SPON1: variants seen among roughly 807,000 people sequenced by gnomAD.
The protein encoded by SPON1 is spondin 1, also known as spondin-1.
SPON1 carries 52 observed loss-of-function variants against 111.7 expected under a neutral mutation model. The observed-to-expected ratio is 0.47, with a 90% CI of 0.37 to 0.59. SPON1 has a LOEUF of 0.59. Among genes scored for constraint, SPON1 ranks in the 20% least tolerant of loss-of-function variants. SPON1 has a pLI of 0.00. For synonymous variants in SPON1, 410 were observed against 395.8 expected (o/e 1.04, Z -0.43); for missense variants, 957 against 1,068.5 (o/e 0.90, Z 1.46).
chr11:14,057,831 C>CA (rs782306609), intron 3 of SPON1, among the ~76,000 whole-genome samples: 10,899 of 100,508 alleles, frequency 0.11, 841 homozygotes, highest in South Asian at 0.16. Context: ...CTTGTCTCTA[C>CA]AAAAAAAAAA....
intron 5 of SPON1, among the ~76,000 whole-genome samples, chr11:14,100,542 A>C (rs143794585): frequency 6.6e-6 from 1 of 152,346 alleles, no homozygotes; most frequent in Non-Finnish European, 1.5e-5. Flanking sequence ...ATTCATAAAC[A>C]AAACAAGTAC....
chr11:14,053,138 A>G (rs1379439727), intron 3 of SPON1, among the ~76,000 whole-genome samples: 5 of 152,188 alleles, frequency 3.3e-5, no homozygotes, highest in African/African-American at 1.2e-4. Flanking sequence ...CATTTTTATA[A>G]TTGAGGTTAA....
chr11:14,164,055 A>G (rs181492287), intron 6 of SPON1, among the ~76,000 whole-genome samples: 35 of 152,316 alleles, frequency 2.3e-4, no homozygotes, highest in Admixed American at 2.0e-3. Flanking sequence ...GACTTCTGGA[A>G]AAACTGTTAA....
intron 1 of SPON1, among the ~76,000 whole-genome samples, chr11:13,963,975 T>A (rs574625785): frequency 1.3e-5 from 2 of 152,234 alleles, no homozygotes; most frequent in Non-Finnish European, 2.9e-5. Flanking sequence ...CCCAGGGATG[T>A]CGCGCCTACG....
intron 4 of SPON1, among the ~76,000 whole-genome samples, chr11:14,075,650 T>C (rs1554921364): frequency 2.0e-5 from 3 of 152,188 alleles, no homozygotes; most frequent in African/African-American, 7.2e-5. Context: ...GTACCTTATA[T>C]TGGTGTCGTC....
At chr11:14,066,763 A>C (rs1277785948) in intron 3 of SPON1, among the ~76,000 whole-genome samples, 1 of 152,142 alleles carries the variant, frequency 6.6e-6, no homozygotes, top group Non-Finnish European at 1.5e-5. Context: ...CTGACCCAGC[A>C]CAGGGACCCT....
intron 7 of SPON1, among the ~76,000 whole-genome samples, chr11:14,250,499 C>CGA (rs1849042054): frequency 1.3e-5 from 2 of 151,610 alleles, no homozygotes; most frequent in African/African-American, 2.4e-5. Flanking sequence ...TTGTATAGTC[C>CGA]TTATCTATAG....
chr11:14,250,944 C>G (rs1849046785), intron 7 of SPON1, among the ~76,000 whole-genome samples: 1 of 152,162 alleles, frequency 6.6e-6, no homozygotes, highest in South Asian at 2.1e-4. Flanking sequence ...TGAAGAGAAT[C>G]CATGGCATGC....
intron 2 of SPON1, among the ~76,000 whole-genome samples, chr11:13,990,776 A>G (rs1848223296): frequency 6.6e-6 from 1 of 152,094 alleles, no homozygotes; most frequent in Admixed American, 6.5e-5. Flanking sequence ...GTTGGTGACA[A>G]AATCTCTCAG....
At chr11:14,212,946 T>C (rs1268381798) in intron 6 of SPON1, among the ~76,000 whole-genome samples, 1 of 152,206 alleles carries the variant, frequency 6.6e-6, no homozygotes, top group Non-Finnish European at 1.5e-5. Context: ...ATCTAGACTC[T>C]TCTTGCCAAG....
rs142000322 is a variant in SPON1 at position 14,188,117 on chromosome 11, A to G, written c.825+52549A>G. The stretch of plus-strand genomic sequence containing the variant: ...CAGACGGGGTTTCAGCATGTTGGCC[A>G]CGCTGGTCTCAAACTCCTGACCTCA... On this transcript the variant is annotated intron_variant, in intron 6 of 15. Coordinates refer to ENST00000576479, the MANE Select transcript of SPON1 (RefSeq NM_006108.4). Among the ~76,000 whole-genome samples, 1,480 of 152,180 alleles carry G rather than the reference A, an allele frequency of 9.7e-3. 26 individuals are homozygous for G. Among genetic ancestry groups the G allele is most frequent in the African/African-American group, 0.034 (1,400 of 41,508 alleles).
At chr11:14,151,879 A>G (rs1847792359) in intron 6 of SPON1, among the ~76,000 whole-genome samples, 1 of 152,164 alleles carries the variant, frequency 6.6e-6, no homozygotes, top group Non-Finnish European at 1.5e-5. Context: ...TGTGGAGCCA[A>G]TAAGGTTTCC....
chr11:14,140,577 T>C (rs12270857), intron 6 of SPON1, among the ~76,000 whole-genome samples: 59,949 of 152,040 alleles, frequency 0.39, 12,087 homozygotes, highest in East Asian at 0.55. Flanking sequence ...GTATTTTTAG[T>C]AGAGACGGGG....
intron 5 of SPON1, among the ~76,000 whole-genome samples, chr11:14,082,729 G>C (rs1232876607): frequency 1.3e-5 from 2 of 152,184 alleles, no homozygotes; most frequent in African/African-American, 2.4e-5. Context: ...AAAATTTAAT[G>C]TTCTCAAAAG....
chr11:14,151,014 GC>G (rs1224063686), intron 6 of SPON1, among the ~76,000 whole-genome samples: 2 of 152,212 alleles, frequency 1.3e-5, no homozygotes, highest in Admixed American at 6.5e-5. Flanking sequence ...TGTTAGGAAG[GC>G]AGCCAGTGTA....
At chr11:13,968,556 A>G (rs1200425371) in intron 1 of SPON1, among the ~76,000 whole-genome samples, 1 of 152,246 alleles carries the variant, frequency 6.6e-6, no homozygotes, top group African/African-American at 2.4e-5. Context: ...ACACTAGTTA[A>G]AACTAATTTT....
intron 1 of SPON1, 32 bp downstream of exon 1, chr11:13,963,174 G>C (rs1591333486): frequency 7.1e-7 from 1 of 1,416,302 alleles, no homozygotes; most frequent in African/African-American, 1.5e-5. Context: ...CATTAGGAGA[G>C]CGGGACCCGG....
At chr11:14,256,554 C>A in intron 9 of SPON1, 63 bp from the exon 10 acceptor site, 1 of 1,168,994 alleles carries the variant, frequency 8.6e-7, no homozygotes, top group Non-Finnish European at 1.3e-6. Context: ...CCTCTTTCAC[C>A]TTCCCCCTAC....
chr11:13,980,590 C>T (rs782791887), intron 1 of SPON1, among the ~76,000 whole-genome samples: 19 of 151,684 alleles, frequency 1.3e-4, no homozygotes, highest in Non-Finnish European at 2.2e-4. Flanking sequence ...ATGTGCACAA[C>T]GTGCAGGTTT....
Sources: gnomAD v4.1 joint callset for allele counts (sites outside exome capture counted in the v4.1 genomes callset) on GRCh38, gnomAD v4.1.1 for gene constraint, MANE v1.5 for transcripts, NCBI Gene and HGNC (gene_info 2026-07-23, HGNC 2026-07-21) for gene names.